Variants in CEP63 observed in about 807,000 individuals in gnomAD.
CEP63 encodes centrosomal protein of 63 kDa.
A neutral mutation model predicts 89.1 loss-of-function variants in CEP63; 84 were observed. That is an observed-to-expected ratio of 0.94 (90% CI 0.79 to 1.13). The LOEUF (loss-of-function observed/expected upper bound fraction) is 1.13. CEP63 is among the 50% of genes most tolerant of loss of function. The probability of loss-of-function intolerance (pLI) is 0.00; values close to 1 mark genes in which losing one functional copy is unlikely to be tolerated. For synonymous variants in CEP63, 267 were observed against 272.5 expected, an observed-to-expected ratio of 0.98 and a Z score of 0.20; for missense variants, 838 against 813.3, an observed-to-expected ratio of 1.03 and a Z score of -0.37.
In CEP63 at chr3:134,563,140, G is replaced by C. The variant is rs532325443; in HGVS notation, c.*1605G>C. ...TCAGGACATAGCATTATGTTTGCCAGTTCCTAGGAGTTACTTATAATTCCT... is the reference window on the plus strand; with the variant it reads ...TCAGGACATAGCATTATGTTTGCCACTTCCTAGGAGTTACTTATAATTCCT... On this transcript the variant is annotated 3_prime_UTR_variant, in exon 15 of 15. Transcript: ENST00000675561. 5 of 152,280 alleles carry C rather than the reference G, an allele frequency of 3.3e-5. No homozygotes were observed. The highest frequency in any genetic ancestry group is 1.2e-4 in the African/African-American group (5 of 41,566). The allele number at this position is 152,280 out of a possible 1,614,324, so 9.4% of individuals were successfully genotyped here.
intron 3 of CEP63, among the ~76,000 whole-genome samples, chr3:134,518,841 G>T (rs1421758618): frequency 6.6e-6 from 1 of 151,872 alleles, no homozygotes; most frequent in Admixed American, 6.6e-5. Flanking sequence ...GGAAACAAAT[G>T]TATAAGAGGA....
the CEP63 span, among the ~76,000 whole-genome samples, chr3:134,714,914 C>G: frequency 6.6e-6 from 1 of 152,310 alleles, no homozygotes; most frequent in East Asian, 1.9e-4. Flanking sequence ...CATAAGACAA[C>G]GGGCTAAATG....
chr3:134,741,222 T>C, the CEP63 span, among the ~76,000 whole-genome samples: 35 of 152,212 alleles, frequency 2.3e-4, no homozygotes, highest in Non-Finnish European at 3.4e-4. Flanking sequence ...CCAAGGCCCA[T>C]AGTCCAGCCT....
the CEP63 span, chr3:134,610,187 G>A: frequency 6.2e-7 from 1 of 1,610,498 alleles, no homozygotes; most frequent in Non-Finnish European, 8.5e-7. Flanking sequence ...ACTGAGACAA[G>A]TACTTACAGG....
chr3:134,604,503 G>T, the CEP63 span: 32 of 1,577,586 alleles, frequency 2.0e-5, no homozygotes, highest in Non-Finnish European at 2.8e-5. Flanking sequence ...GGTCAGCAGA[G>T]ATGGGTCCAG....
downstream of CEP63, among the ~76,000 whole-genome samples, chr3:134,589,209 G>A (rs559669108): frequency 3.9e-5 from 6 of 152,136 alleles, no homozygotes; most frequent in South Asian, 2.1e-4. Flanking sequence ...TATAAGACCA[G>A]CATAACCTTG....
intron 6 of CEP63, among the ~76,000 whole-genome samples, chr3:134,539,447 G>A (rs892861904): frequency 6.6e-5 from 10 of 151,982 alleles, no homozygotes; most frequent in Admixed American, 2.0e-4. Flanking sequence ...CAACAGGTAA[G>A]GACTTAAAAA....
the CEP63 span, among the ~76,000 whole-genome samples, chr3:134,614,470 C>T: frequency 6.6e-6 from 1 of 152,016 alleles, no homozygotes; most frequent in Admixed American, 6.6e-5. Context: ...CTGCAGCCCC[C>T]ACTCTCCAGC....
At chr3:134,571,232 C>T (rs1957997373) in intron 11 of CEP63, among the ~76,000 whole-genome samples, 1 of 152,254 alleles carries the variant, frequency 6.6e-6, no homozygotes, top group Admixed American at 6.5e-5. Flanking sequence ...CTCCCACTGG[C>T]AAGCATCTTG....
At chr3:134,621,002 A>T in the CEP63 span, 1 of 623,780 alleles carries the variant, frequency 1.6e-6, no homozygotes, top group South Asian at 1.9e-5. Flanking sequence ...CTGGCTGAGG[A>T]CAAATTGGGA....
chr3:134,757,951 A>G, the CEP63 span, among the ~76,000 whole-genome samples: 3 of 152,166 alleles, frequency 2.0e-5, no homozygotes, highest in African/African-American at 7.2e-5. Context: ...AGGATGGCAG[A>G]GATGATCTAG....
chr3:134,582,701 G>C (rs1958390320), intron 10 of CEP63, among the ~76,000 whole-genome samples: 1 of 152,104 alleles, frequency 6.6e-6, no homozygotes, highest in Non-Finnish European at 1.5e-5. Context: ...CCCAATAATG[G>C]GATTGCTGGG....
the CEP63 span, among the ~76,000 whole-genome samples, chr3:134,743,680 C>T: frequency 2.0e-5 from 3 of 152,084 alleles, no homozygotes; most frequent in African/African-American, 7.2e-5. Flanking sequence ...TAACATCAGA[C>T]CAGTCATCTT....
the CEP63 span, among the ~76,000 whole-genome samples, chr3:134,663,972 A>C: frequency 6.6e-6 from 1 of 152,140 alleles, no homozygotes; most frequent in Non-Finnish European, 1.5e-5. Flanking sequence ...AGGGAAGAGC[A>C]GGGCTTGGGG....
intron 10 of CEP63, among the ~76,000 whole-genome samples, chr3:134,584,909 G>A (rs1560080987): frequency 7.0e-6 from 1 of 143,052 alleles, no homozygotes; most frequent in Non-Finnish European, 1.5e-5. Flanking sequence ...AGTCTTGGGA[G>A]GGTGTATGTG....
At chr3:134,697,832 C>A in the CEP63 span, among the ~76,000 whole-genome samples, 3 of 152,284 alleles carry the variant, frequency 2.0e-5, no homozygotes, top group South Asian at 2.1e-4. Flanking sequence ...CAAGAGTAAC[C>A]GACAGTAAAC....
chr3:134,610,061 G>T, the CEP63 span: 1 of 930,262 alleles, frequency 1.1e-6, no homozygotes, highest in East Asian at 2.6e-5. Context: ...TCAGAGCCGA[G>T]GAGGAGTGGG....
the CEP63 span, among the ~76,000 whole-genome samples, chr3:134,709,122 G>T: frequency 6.6e-6 from 1 of 152,154 alleles, no homozygotes; most frequent in Admixed American, 6.5e-5. Context: ...GACCTTTGGC[G>T]TAGGAGCCAC....
chr3:134,690,086 T>C, the CEP63 span, among the ~76,000 whole-genome samples: 21 of 152,228 alleles, frequency 1.4e-4, no homozygotes, highest in African/African-American at 5.1e-4. Context: ...TGCATAGTTT[T>C]CTCGTGAAGC....
Sources: allele counts gnomAD v4.1 joint callset (sites outside exome capture counted in the v4.1 genomes callset), GRCh38; gene constraint gnomAD v4.1.1; transcripts MANE v1.5; gene names NCBI Gene and HGNC (gene_info 2026-07-23, HGNC 2026-07-21).